The following OR4M1 variants were observed in gnomAD, a reference collection of about 807,000 sequenced individuals.
OR4M1 encodes olfactory receptor 4M1.
A neutral mutation model predicts 9.8 loss-of-function variants in OR4M1; 7 were observed. That is an observed-to-expected ratio of 0.71 (90% confidence interval 0.41 to 1.34). The LOEUF is 1.34. OR4M1 is among the 40% of genes most tolerant of loss of function. The pLI, the probability that OR4M1 is intolerant of heterozygous loss-of-function variation, is 0.01. For synonymous variants in OR4M1, 121 were observed against 139.8 expected (o/e 0.87, Z 0.95); for missense variants, 331 against 380.4 (o/e 0.87, Z 1.08).
In OR4M1 at chr14:19,780,412, A is replaced by G. The variant is rs758250620; in HGVS notation, c.90A>G (p.Ile30Met). The change falls in exon 2 of 2, where the codon ATA becomes ATG. Residue 30 changes from isoleucine (I) to methionine (M), a missense_variant. Transcript: ENST00000641200. ...AGGTCCAACTAGTCCTATTTGTTATATTTCTATCCTTCTATTTGTTCATCC... is the reference window on the plus strand; with the variant it reads ...AGGTCCAACTAGTCCTATTTGTTATGTTTCTATCCTTCTATTTGTTCATCC... ...TREVQLVLFV[I>M]FLSFYLFILP... is the part of the protein sequence containing the mutation. The G allele has an allele frequency of 6.2e-7, 1 of 1,614,006 alleles. No homozygotes were observed. The highest frequency in any genetic ancestry group is 8.5e-7 in the Non-Finnish European group (1 of 1,179,982).
Position 19,781,098 on chromosome 14 carries a change from T to C in OR4M1, c.776T>C (p.Ile259Thr), listed in dbSNP as rs140286605. The C allele has an allele frequency of 4.4e-5, 71 of 1,614,164 alleles. No homozygotes were observed. In the African/African-American group the frequency reaches 7.7e-4, roughly 18 times the overall value. The stretch of plus-strand genomic sequence containing the variant: ...CTAATGTTTGGGCCATCCATCTACA[T>C]TTATGCTCGCCCATTTGACTCATTT... The part of the protein sequence containing the change: ...VVLMFGPSIY[I>T]YARPFDSFSL... Residue 259 changes from isoleucine (I) to threonine (T), a missense_variant, in exon 2 of 2, where the codon ATT becomes ACT. Physicochemically the swap from Ile to Thr is moderately conservative, Grantham distance 89. Around this residue, in one of 2 missense-constraint regions of OR4M1, gnomAD observed 122 missense variants for 180.5 expected, o/e 0.68. Coordinates refer to ENST00000641200, the MANE Select transcript of OR4M1 (RefSeq NM_001005500.2).
At chr14:19,776,833 G>A (rs750354594) in intron 1 of OR4M1, among the ~76,000 whole-genome samples, 1 of 151,914 alleles carries the variant, frequency 6.6e-6, no homozygotes, top group East Asian at 1.9e-4. Flanking sequence ...AGACACAGAA[G>A]ATAGGAAAAC....
At chr14:19,774,955 G>C (rs1398964004) in intron 1 of OR4M1, among the ~76,000 whole-genome samples, 1 of 152,046 alleles carries the variant, frequency 6.6e-6, no homozygotes, top group Non-Finnish European at 1.5e-5. Context: ...CCCTCTCTTG[G>C]CCAAGGGCAC....
At chr14:19,775,305 A>G (rs1878275676) in intron 1 of OR4M1, among the ~76,000 whole-genome samples, 1 of 152,168 alleles carries the variant, frequency 6.6e-6, no homozygotes, top group South Asian at 2.1e-4. Flanking sequence ...GAGCATATGT[A>G]TTTGGCCACC....
chr14:19,781,009 A>C lies in OR4M1; in HGVS notation c.687A>C (p.Ser229=), dbSNP rs760170668. The C allele has an allele frequency of 9.3e-6, 15 of 1,614,124 alleles. No homozygotes were observed. Among genetic ancestry groups the C allele is most frequent in the Admixed American group, 1.7e-5 (1 of 60,014 alleles). ...AFLLALLKKH[S]GSGENTNRAM... ...TTCTGGCCTTGCTCAAGAAACATTC[A>C]GGCTCAGGTGAGAATACCAACAGGG... Residue 229 remains serine (S), a synonymous_variant, in exon 2 of 2, where the codon TCA becomes TCC. Transcript: ENST00000641200.
intron 1 of OR4M1, among the ~76,000 whole-genome samples, chr14:19,773,944 G>A (rs1878239174): frequency 1.3e-5 from 2 of 152,242 alleles, no homozygotes; most frequent in South Asian, 4.1e-4. Flanking sequence ...GGTCTTCAGA[G>A]CATGACAGAT....
chr14:19,775,451 C>T (rs1878281288), intron 1 of OR4M1, among the ~76,000 whole-genome samples: 1 of 151,774 alleles, frequency 6.6e-6, no homozygotes, highest in Admixed American at 6.6e-5. Context: ...GTCCTCCTTT[C>T]CAAATTTATG....
intron 1 of OR4M1, among the ~76,000 whole-genome samples, chr14:19,774,918 C>T (rs1385260995): frequency 6.6e-6 from 1 of 152,166 alleles, no homozygotes; most frequent in Admixed American, 6.5e-5. Context: ...AAAATGAAAC[C>T]CTTAGCTCCC....
Position 19,780,582 on chromosome 14 carries a change from T to G in OR4M1, c.260T>G (p.Val87Gly). The change falls in exon 2 of 2, where the codon GTG becomes GGG. Residue 87 changes from valine (V) to glycine (G), a missense_variant. Coordinates refer to ENST00000641200, the MANE Select transcript of OR4M1 (RefSeq NM_001005500.2). ...TAPKMLIDFF[V>G]ERKIISFGGC... ...CCTAAAATGCTCATAGACTTCTTTG[T>G]GGAGAGGAAGATAATTTCCTTTGGT... is the stretch of plus-strand genomic sequence containing the variant. 1 of 1,614,236 alleles carries G rather than the reference T, an allele frequency of 6.2e-7. No homozygotes were observed. The highest frequency in any genetic ancestry group is 8.5e-7 in the Non-Finnish European group (1 of 1,180,032).
At chr14:19,778,590 T>G (rs1878377144) in intron 1 of OR4M1, among the ~76,000 whole-genome samples, 2 of 152,210 alleles carry the variant, frequency 1.3e-5, no homozygotes, top group Admixed American at 6.6e-5. Context: ...TGGTAGAAAT[T>G]TATTTGATTG....
intron 1 of OR4M1, among the ~76,000 whole-genome samples, chr14:19,778,189 C>A (rs1468593770): frequency 1.3e-5 from 2 of 152,156 alleles, no homozygotes; most frequent in East Asian, 1.9e-4. Flanking sequence ...CTCTTTGACA[C>A]TTTTTTCTGG....
Position 19,782,856 on chromosome 14 carries a change from G to GAC in OR4M1, c.*1593_*1594insCA, listed in dbSNP as rs1878542503. The GAC allele has an allele frequency of 6.6e-6, 1 of 151,066 alleles. No individual in the cohort carries two copies. Among genetic ancestry groups the GAC allele is most frequent in the South Asian group, 2.1e-4 (1 of 4,794 alleles). 9.4% of individuals were successfully genotyped at this position (151,066 alleles called of 1,614,324 possible). ...GCATGAAAAAATATAAAGTACAAAA[G>GAC]ATATATATATATAATATGATAAAAT... On this transcript the variant is annotated 3_prime_UTR_variant, in exon 2 of 2. Transcript: ENST00000641200.
chr14:19,777,007 CAT>C (rs71431978), intron 1 of OR4M1, among the ~76,000 whole-genome samples: 775 of 45,836 alleles, frequency 0.017, 1 homozygote, highest in East Asian at 0.065. Context: ...TTGTTTAAGC[CAT>C]ATATATATAT....
intron 1 of OR4M1, among the ~76,000 whole-genome samples, chr14:19,775,303 G>A (rs1266539444): frequency 5.9e-5 from 9 of 152,162 alleles, no homozygotes; most frequent in Admixed American, 2.6e-4. Context: ...TTGAGCATAT[G>A]TATTTGGCCA....
chr14:19,777,006 C>CTA (rs1878330017), intron 1 of OR4M1, among the ~76,000 whole-genome samples: 1 of 17,024 alleles, frequency 5.9e-5, no homozygotes, highest in African/African-American at 2.0e-4. Context: ...ATTGTTTAAG[C>CTA]CATATATATA....
chr14:19,774,581 T>A, intron 1 of OR4M1, among the ~76,000 whole-genome samples: 1 of 152,256 alleles, frequency 6.6e-6, no homozygotes, highest in East Asian at 1.9e-4. Flanking sequence ...AGTACTATTA[T>A]GGGAGCCATA....
intron 1 of OR4M1, among the ~76,000 whole-genome samples, chr14:19,775,205 A>G (rs190800327): frequency 1.8e-4 from 28 of 152,304 alleles, no homozygotes; most frequent in Admixed American, 3.3e-4. Flanking sequence ...GAGACCAACT[A>G]TATGCTACTC....
chr14:19,780,366 C>T lies in OR4M1; in HGVS notation c.44C>T (p.Thr15Ile), dbSNP rs780323736. The change falls in exon 2 of 2, where the codon ACT becomes ATT. Residue 15 changes from threonine to isoleucine, a missense_variant. Physicochemically the swap from Thr to Ile is moderately conservative, Grantham distance 89. This residue lies in a region of OR4M1 where 209 missense variants were observed against 200.0 expected (regional missense o/e 1.04). Coordinates refer to ENST00000641200, the MANE Select transcript of OR4M1 (RefSeq NM_001005500.2). ...NYTKVTEFVL[T>I]GLSQTREVQL... ...ACCAAGGTGACAGAATTTGTTCTCA[C>T]TGGCCTATCCCAGACTCGGGAGGTC... The T allele has an allele frequency of 4.3e-6, 7 of 1,613,840 alleles. No individual in the cohort carries two copies. Among genetic ancestry groups the T allele is most frequent in the Non-Finnish European group, 8.5e-7 (1 of 1,179,886 alleles).
chr14:19,779,703 C>T (rs2138430949), intron 1 of OR4M1, among the ~76,000 whole-genome samples: 1 of 152,336 alleles, frequency 6.6e-6, no homozygotes, highest in East Asian at 1.9e-4. Context: ...CCTTGCATAG[C>T]TGTATGTTGT....
Sources: gnomAD v4.1 joint callset for allele counts (sites outside exome capture counted in the v4.1 genomes callset) on GRCh38, gnomAD v4.1.1 for gene constraint, gnomAD v4.1.1 regional missense constraint, MANE v1.5 for transcripts, NCBI Gene and HGNC (gene_info 2026-07-23, HGNC 2026-07-21) for gene names.